Variants in MON2 observed in about 807,000 individuals in gnomAD.
MON2 encodes the protein protein MON2 homolog.
A neutral mutation model predicts 208.6 loss-of-function variants in MON2; 84 were observed. The observed-to-expected ratio is 0.40, with a 90% CI of 0.34 to 0.48. The LOEUF (loss-of-function observed/expected upper bound fraction) is 0.48. Ranked by LOEUF, MON2 falls within the 20% of genes least tolerant of loss-of-function variation. The probability of loss-of-function intolerance (pLI) is 0.59; values close to 1 mark genes in which losing one functional copy is unlikely to be tolerated. For missense variants in MON2, 1,611 were observed against 2,015.4 expected (o/e 0.80, Z 3.84); for synonymous variants, 660 against 694.0 (o/e 0.95, Z 0.77).
In MON2 at chr12:62,560,475, T is replaced by C. The variant is rs752080469; in HGVS notation, c.3410-16T>C. 3.8e-6 allele frequency: 6 copies of C among 1,565,374 alleles called. No homozygotes were observed. The highest frequency in any genetic ancestry group is 2.2e-5 in the East Asian group (1 of 44,556). ...CGCTTTTATGATAATAGTTTTTTTTTCTCTTCCTAATATAGGAGATTTTTC... is the reference window on the plus strand; with the variant it reads ...CGCTTTTATGATAATAGTTTTTTTTCCTCTTCCTAATATAGGAGATTTTTC... On this transcript the variant is annotated splice_polypyrimidine_tract_variant and intron_variant, in intron 25 of 34. Coordinates refer to ENST00000393630, the MANE Select transcript of MON2 (RefSeq NM_015026.3).
chr12:62,538,752 TAAA>T (rs1565662079), intron 19 of MON2, among the ~76,000 whole-genome samples: 3 of 152,078 alleles, frequency 2.0e-5, no homozygotes, highest in Non-Finnish European at 1.5e-5. Flanking sequence ...CTGAACATTT[TAAA>T]AATATTTTTA....
intron 12 of MON2, among the ~76,000 whole-genome samples, chr12:62,533,597 T>G (rs1481557673): frequency 6.6e-6 from 1 of 152,180 alleles, no homozygotes; most frequent in Non-Finnish European, 1.5e-5. Flanking sequence ...TCTGAGCACT[T>G]CCTATTTGAT....
intron 8 of MON2, among the ~76,000 whole-genome samples, chr12:62,517,139 G>A (rs138978615): frequency 1.1e-4 from 16 of 152,138 alleles, no homozygotes; most frequent in African/African-American, 3.6e-4. Context: ...CTAAATATTA[G>A]CAGGGCTGTC....
chr12:62,496,519 GT>G (rs2136061106), intron 4 of MON2, among the ~76,000 whole-genome samples: 1 of 152,222 alleles, frequency 6.6e-6, no homozygotes, highest in East Asian at 1.9e-4. Flanking sequence ...GTGTCTTTTA[GT>G]TAAGGTGATA....
At chr12:62,469,288 GTGA>G in intron 1 of MON2, among the ~76,000 whole-genome samples, 1 of 152,268 alleles carries the variant, frequency 6.6e-6, no homozygotes, top group East Asian at 1.9e-4. Flanking sequence ...CAAGGCTGCA[GTGA>G]GTGGTGATTG....
chr12:62,470,341 T>G (rs549775851), intron 1 of MON2, among the ~76,000 whole-genome samples: 3 of 152,334 alleles, frequency 2.0e-5, no homozygotes, highest in South Asian at 2.1e-4. Flanking sequence ...TTCTACATGG[T>G]TTTTCCTACC....
chr12:62,502,965 T>G (rs2070920416), intron 7 of MON2, among the ~76,000 whole-genome samples: 2 of 152,230 alleles, frequency 1.3e-5, no homozygotes, highest in Non-Finnish European at 2.9e-5. Context: ...ATTAGGCAGT[T>G]GTTAAATGCT....
chr12:62,514,851 T>C (rs1160114264), intron 8 of MON2, among the ~76,000 whole-genome samples: 1 of 152,226 alleles, frequency 6.6e-6, no homozygotes, highest in Non-Finnish European at 1.5e-5. Context: ...CCAAAGAAGA[T>C]ATACCAATGT....
intron 26 of MON2, among the ~76,000 whole-genome samples, chr12:62,564,329 T>A (rs999625242): frequency 2.0e-5 from 3 of 152,122 alleles, no homozygotes; most frequent in Non-Finnish European, 4.4e-5. Flanking sequence ...AATTTTGGTT[T>A]AAGATTTTAA....
intron 1 of MON2, among the ~76,000 whole-genome samples, chr12:62,470,096 A>C (rs1278855659): frequency 6.6e-6 from 1 of 151,740 alleles, no homozygotes; most frequent in African/African-American, 2.4e-5. Flanking sequence ...TTGTAGAGAC[A>C]GGGTCTCACC....
At chr12:62,552,750 A>T in intron 23 of MON2, 131 bp from the exon 24 acceptor site, 2 of 653,324 alleles carry the variant, frequency 3.1e-6, no homozygotes, top group Non-Finnish European at 2.6e-6. Context: ...AATCTATTCT[A>T]CTAGGAAAGA....
intron 8 of MON2, among the ~76,000 whole-genome samples, chr12:62,515,155 G>A (rs1458106296): frequency 6.6e-6 from 1 of 152,234 alleles, no homozygotes; most frequent in African/African-American, 2.4e-5. Context: ...CAAAAGAATT[G>A]AAAGTGTGAT....
chr12:62,490,971 C>G (rs1239533211), intron 2 of MON2, among the ~76,000 whole-genome samples: 2 of 152,022 alleles, frequency 1.3e-5, no homozygotes, highest in Non-Finnish European at 2.9e-5. Flanking sequence ...TTTAACATCC[C>G]CTGATTGGTA....
At chr12:62,502,210 ACT>A (rs2070874071) in intron 7 of MON2, among the ~76,000 whole-genome samples, 3 of 151,878 alleles carry the variant, frequency 2.0e-5, no homozygotes, top group South Asian at 4.2e-4. Context: ...ACAGAGCAAG[ACT>A]CTGTCTCAAA....
chr12:62,539,882 T>C (rs922972413), intron 19 of MON2, among the ~76,000 whole-genome samples: 7 of 151,818 alleles, frequency 4.6e-5, no homozygotes, highest in Non-Finnish European at 8.8e-5. Flanking sequence ...CTGGACATGC[T>C]CAGTTGAACC....
At position 62,543,217 on chromosome 12, in the gene MON2, A is replaced by T; in HGVS notation, c.2466+19A>T. The T allele has an allele frequency of 7.6e-7, 1 of 1,316,196 alleles. No homozygotes were observed. The allele number at this position is 1,316,196 out of a possible 1,614,324, so 81.5% of individuals were successfully genotyped here. ...ACTTGAGGTAAATTCTCTTTCTTAA[A>T]TATATTTAATTTTTTAATAAACATT... On this transcript the variant is annotated intron_variant, in intron 20 of 34. Transcript: ENST00000393630.
chr12:62,511,808 C>A (rs2071415625), intron 8 of MON2, among the ~76,000 whole-genome samples: 1 of 152,088 alleles, frequency 6.6e-6, no homozygotes, highest in Non-Finnish European at 1.5e-5. Flanking sequence ...AGAAAGAAGC[C>A]AGCAGAGTTG....
Position 62,565,879 on chromosome 12 carries a change from A to G in MON2, c.4177-135A>G, listed in dbSNP as rs1251003067. 9.5e-6 allele frequency: 7 copies of G among 736,482 alleles called. No individual in the cohort carries two copies. The Admixed American group carries it at 2.1e-4, about 22-fold the overall frequency. The allele number at this position is 736,482 out of a possible 1,614,324, so 45.6% of individuals were successfully genotyped here. On this transcript the variant is annotated intron_variant, in intron 27 of 34. Coordinates refer to ENST00000393630, the MANE Select transcript of MON2 (RefSeq NM_015026.3). Reference sequence around the variant, plus strand: ...GCAAATTTTAACTTTGTTTAAGTAAATTTCTGAATGCATGCCCATGCTGAT... The same window carrying G: ...GCAAATTTTAACTTTGTTTAAGTAAGTTTCTGAATGCATGCCCATGCTGAT...
intron 8 of MON2, among the ~76,000 whole-genome samples, chr12:62,516,796 G>T (rs184489390): frequency 6.6e-6 from 1 of 152,060 alleles, no homozygotes; most frequent in East Asian, 1.9e-4. Flanking sequence ...CATTTCCCCT[G>T]ATGTGATGAT....
Sources: gnomAD v4.1 joint callset for allele counts (sites outside exome capture counted in the v4.1 genomes callset) on GRCh38, gnomAD v4.1.1 for gene constraint, MANE v1.5 for transcripts, NCBI Gene and HGNC (gene_info 2026-07-23, HGNC 2026-07-21) for gene names.